Variants in KCNK3 observed in about 807,000 individuals in gnomAD.
The protein encoded by KCNK3 is potassium two pore domain channel subfamily K member 3.
In KCNK3, 9 loss-of-function variants were observed where a neutral mutation model predicts 27.3. The observed-to-expected ratio is 0.33, with a 90% CI of 0.20 to 0.57. The LOEUF is 0.57. Ranked by LOEUF, KCNK3 falls within the 20% of genes least tolerant of loss-of-function variation. The pLI, the probability that KCNK3 is intolerant of heterozygous loss-of-function variation, is 0.87. For missense variants in KCNK3, 391 were observed against 577.7 expected (o/e 0.68, Z 3.31); for synonymous variants, 278 against 273.8 (o/e 1.02, Z -0.15).
In KCNK3 at chr2:26,693,289, G is replaced by A; in HGVS notation, c.283+131G>A. 3.3e-6 allele frequency: 3 copies of A among 912,170 alleles called. No individual in the cohort carries two copies. Among genetic ancestry groups the A allele is most frequent in the African/African-American group, 1.8e-5 (1 of 56,348 alleles). The allele number at this position is 912,170 out of a possible 1,614,324, so 56.5% of individuals were successfully genotyped here. On this transcript the variant is annotated intron_variant, in intron 1 of 1. Transcript: ENST00000302909. The surrounding 1 kb of genome is among the most constrained non-coding windows in gnomAD (Gnocchi z 5.5). ...CTGGGCGCCGAACCCTGCGCTCGCA[G>A]AAACCCGAGTTCAGCCTGGCGTGTG... is the stretch of plus-strand genomic sequence containing the variant.
intron 1 of KCNK3, among the ~76,000 whole-genome samples, chr2:26,713,262 A>T (rs1267789279): frequency 1.3e-5 from 2 of 151,880 alleles, no homozygotes; most frequent in Non-Finnish European, 2.9e-5. Flanking sequence ...GGCAGCAGCG[A>T]CTCCAGTGAC....
At chr2:26,716,957 T>C (rs751856782) in intron 1 of KCNK3, among the ~76,000 whole-genome samples, 1 of 152,208 alleles carries the variant, frequency 6.6e-6, no homozygotes, top group Non-Finnish European at 1.5e-5. Flanking sequence ...TAAAGTTTTA[T>C]TGGAACACTA....
chr2:26,693,309 C>A lies in KCNK3; in HGVS notation c.283+151C>A. 1 of 775,314 alleles carries A rather than the reference C, an allele frequency of 1.3e-6. No individual in the cohort carries two copies. The highest frequency in any genetic ancestry group is 1.9e-6 in the Non-Finnish European group (1 of 526,610). 48.0% of individuals were successfully genotyped at this position (775,314 alleles called of 1,614,324 possible). On this transcript the variant is annotated intron_variant, in intron 1 of 1. Coordinates refer to ENST00000302909, the MANE Select transcript of KCNK3 (RefSeq NM_002246.3). This position sits in a 1 kb window ranked among gnomAD's most constrained non-coding sequence, Gnocchi z 5.5. ...TCGCAGAAACCCGAGTTCAGCCTGG[C>A]GTGTGTGCTCCGCGGGGACGGAACT...
chr2:26,716,608 T>C (rs1663235215), intron 1 of KCNK3, among the ~76,000 whole-genome samples: 1 of 152,034 alleles, frequency 6.6e-6, no homozygotes, highest in Admixed American at 6.6e-5. Flanking sequence ...TCCAGAAATG[T>C]GGAAAGGGGC....
intron 1 of KCNK3, among the ~76,000 whole-genome samples, chr2:26,701,027 G>C (rs1271369632): frequency 6.6e-6 from 1 of 152,190 alleles, no homozygotes; most frequent in Non-Finnish European, 1.5e-5. Context: ...GAATCAGCAG[G>C]TCTGGGGCAG....
chr2:26,702,200 G>C (rs1670316243), intron 1 of KCNK3, among the ~76,000 whole-genome samples: 1 of 152,174 alleles, frequency 6.6e-6, no homozygotes, highest in Non-Finnish European at 1.5e-5. Context: ...TCTTCTCACT[G>C]TGTCCTCACA....
intron 1 of KCNK3, among the ~76,000 whole-genome samples, chr2:26,719,989 A>C (rs1000721271): frequency 1.3e-5 from 2 of 152,140 alleles, no homozygotes; most frequent in African/African-American, 4.8e-5. Context: ...GGGGAAGGGC[A>C]CCGTGGCTCA....
chr2:26,725,758 G>A (rs150330737), intron 1 of KCNK3, among the ~76,000 whole-genome samples: 1 of 152,178 alleles, frequency 6.6e-6, no homozygotes, highest in African/African-American at 2.4e-5. Context: ...AGGGGAGCTG[G>A]TTCTAAGGGC....
chr2:26,716,989 C>T (rs1663245321), intron 1 of KCNK3, among the ~76,000 whole-genome samples: 2 of 152,302 alleles, frequency 1.3e-5, no homozygotes, highest in Non-Finnish European at 1.5e-5. Context: ...CCCATTGTCA[C>T]GTAGTATCCA....
At chr2:26,712,958 G>A (rs555794754) in intron 1 of KCNK3, among the ~76,000 whole-genome samples, 4 of 152,232 alleles carry the variant, frequency 2.6e-5, no homozygotes, top group Middle Eastern at 3.4e-3. Flanking sequence ...CTGTCTGGGC[G>A]ATGACCAGAA....
chr2:26,699,904 C>T (rs1670286123), intron 1 of KCNK3, among the ~76,000 whole-genome samples: 1 of 152,206 alleles, frequency 6.6e-6, no homozygotes, highest in Non-Finnish European at 1.5e-5. Flanking sequence ...CCAGGACTTG[C>T]ACCCAGGTCT....
chr2:26,694,387 C>T (rs1023780650), intron 1 of KCNK3, among the ~76,000 whole-genome samples: 1 of 152,218 alleles, frequency 6.6e-6, no homozygotes, highest in Admixed American at 6.5e-5. Flanking sequence ...TTCGTTGCCA[C>T]TTAGCGCAGC....
chr2:26,709,510 T>G (rs143918806), intron 1 of KCNK3, among the ~76,000 whole-genome samples: 260 of 151,842 alleles, frequency 1.7e-3, no homozygotes, highest in African/African-American at 5.9e-3. Context: ...AGAGGTCAAA[T>G]AGGATGGAAA....
In KCNK3 at chr2:26,732,473, C is replaced by T. The variant is rs1663558441; in HGVS notation, c.*3905C>T. The T allele has an allele frequency of 6.6e-6, 1 of 152,314 alleles. No individual in the cohort carries two copies. The highest frequency in any genetic ancestry group is 2.4e-5 in the African/African-American group (1 of 41,546). 9.4% of individuals were successfully genotyped at this position (152,314 alleles called of 1,614,324 possible). ...TGCCCACACCGCCCCTCGTTACCCG[C>T]ATAGGTCAACTGAAAGATACAGAGA... On this transcript the variant is annotated 3_prime_UTR_variant, in exon 2 of 2. Transcript: ENST00000302909.
intron 1 of KCNK3, among the ~76,000 whole-genome samples, chr2:26,705,935 C>A (rs1670367188): frequency 6.6e-6 from 1 of 152,138 alleles, no homozygotes; most frequent in Non-Finnish European, 1.5e-5. Flanking sequence ...CCCGTAGCAG[C>A]AGTTGCTGGA....
At chr2:26,716,573 G>C (rs1307098877) in intron 1 of KCNK3, among the ~76,000 whole-genome samples, 1 of 152,086 alleles carries the variant, frequency 6.6e-6, no homozygotes, top group East Asian at 1.9e-4. Context: ...AAGCCCAACA[G>C]GCAGAACAAA....
intron 1 of KCNK3, among the ~76,000 whole-genome samples, chr2:26,705,843 C>T (rs528799411): frequency 6.6e-6 from 1 of 151,892 alleles, no homozygotes; most frequent in Non-Finnish European, 1.5e-5. Context: ...GTGACTTGGG[C>T]AACTCACCTG....
At chr2:26,724,276 T>C (rs1663372435) in intron 1 of KCNK3, among the ~76,000 whole-genome samples, 1 of 152,256 alleles carries the variant, frequency 6.6e-6, no homozygotes, top group Non-Finnish European at 1.5e-5. Flanking sequence ...TGCCTGAGCA[T>C]GGCCCTCCTG....
intron 1 of KCNK3, among the ~76,000 whole-genome samples, chr2:26,707,379 C>A (rs988340396): frequency 3.9e-5 from 6 of 152,216 alleles, no homozygotes; most frequent in African/African-American, 1.4e-4. Context: ...AGTTTTGTTG[C>A]ACCCCAGCTG....
Sources: gnomAD v4.1 joint callset for allele counts (sites outside exome capture counted in the v4.1 genomes callset) on GRCh38, gnomAD v4.1.1 for gene constraint, Gnocchi (gnomAD v3.1) non-coding constraint, MANE v1.5 for transcripts, NCBI Gene and HGNC (gene_info 2026-07-23, HGNC 2026-07-21) for gene names.